REV1: variants seen among roughly 807,000 people sequenced by gnomAD.
REV1 encodes the protein translesion synthesis protein REV1.
A neutral mutation model predicts 137.4 loss-of-function variants in REV1; 42 were observed. The observed-to-expected ratio is 0.31, with a 90% CI of 0.24 to 0.40. The LOEUF (loss-of-function observed/expected upper bound fraction) is 0.40, where lower values mean the gene tolerates loss of function less well. REV1 is among the 10% of genes least tolerant of loss of function. The pLI is 1.00. For missense variants in REV1, 1,282 were observed against 1,490.1 expected (o/e 0.86, Z 2.30); for synonymous variants, 524 against 519.2 (o/e 1.01, Z -0.12).
chr2:99,463,764 T>C (rs1463269911), intron 2 of REV1, among the ~76,000 whole-genome samples: 2 of 152,106 alleles, frequency 1.3e-5, no homozygotes, highest in South Asian at 2.1e-4. Context: ...GCTGGGATTA[T>C]AGGTGCTCAC....
In REV1 at chr2:99,459,140, A is replaced by G. The variant is rs564619811; in HGVS notation, c.181+3356T>C. Among the ~76,000 whole-genome samples, 624 of 151,876 alleles carry G rather than the reference A, an allele frequency of 4.1e-3. 2 individuals are homozygous for G. Among genetic ancestry groups the G allele is most frequent in the African/African-American group, 5.6e-3 (230 of 41,410 alleles). ...GGAGAATGGTGTGAACCCGGGAGGC[A>G]GAGCTTGCAGTGAGCCGAGATCGCG... is the stretch of plus-strand genomic sequence containing the variant. On this transcript the variant is annotated intron_variant, in intron 3 of 22. Coordinates refer to ENST00000258428, the MANE Select transcript of REV1 (RefSeq NM_016316.4).
Position 99,449,442 on chromosome 2 carries a change from A to G in REV1, c.244T>C (p.Tyr82His). ...MLHGGQYHVYYSRSKTTHIIA... is the reference protein window; with the variant it reads ...MLHGGQYHVYHSRSKTTHIIA... ...ATATGTGTTGTTTTAGATCTGGAAT[A>G]ATATACATGGTATTGACCTCCATGC... The change falls in exon 4 of 23, where the codon TAT becomes CAT. Residue 82 changes from tyrosine to histidine, a missense_variant. This residue lies in a region of REV1 where 107 missense variants were observed against 164.3 expected (regional missense o/e 0.65). Transcript: ENST00000258428. 1 of 1,570,002 alleles carries G rather than the reference A, an allele frequency of 6.4e-7. No individual in the cohort carries two copies. The highest frequency in any genetic ancestry group is 8.6e-7 in the Non-Finnish European group (1 of 1,160,774).
chr2:99,407,805 C>T (rs1451874190), intron 15 of REV1, among the ~76,000 whole-genome samples: 1 of 152,042 alleles, frequency 6.6e-6, no homozygotes, highest in Non-Finnish European at 1.5e-5. Flanking sequence ...ATCAGGGGTA[C>T]CTTGGAAAAG....
chr2:99,471,393 A>G (rs2105225260), intron 1 of REV1, among the ~76,000 whole-genome samples: 1 of 151,846 alleles, frequency 6.6e-6, no homozygotes, highest in South Asian at 2.1e-4. Flanking sequence ...CACATGCAAA[A>G]GAAGTTGGAC....
intron 13 of REV1, among the ~76,000 whole-genome samples, chr2:99,412,282 A>C (rs113660960): frequency 0.066 from 9,324 of 140,278 alleles, 557 homozygotes; most frequent in Non-Finnish European, 0.11. Flanking sequence ...AAAAAAAAAA[A>C]CATATCCAAA....
intron 10 of REV1, 31 bp downstream of exon 10, chr2:99,424,120 CA>C: frequency 6.2e-7 from 1 of 1,601,770 alleles, no homozygotes; most frequent in Non-Finnish European, 8.5e-7. Context: ...AAGGAAAACA[CA>C]GACACAAAAT....
intron 9 of REV1, among the ~76,000 whole-genome samples, chr2:99,428,433 T>C (rs951640621): frequency 2.0e-5 from 3 of 152,160 alleles, no homozygotes; most frequent in Non-Finnish European, 2.9e-5. Context: ...GGCCACAGCA[T>C]CAAGTGACAA....
Position 99,421,590 on chromosome 2 carries a change from A to G in REV1, c.1740T>C (p.Leu580=). ...CATCAGGAGTAAGTTTGGTCTCTGC[A>G]AGGATTTCGGTAATGTCTACCAGCG... ...DEALVDITEI[L]AETKLTPDEF... The change falls in exon 11 of 23, where the codon CTT becomes CTC. Residue 580 remains leucine, a synonymous_variant. Coordinates refer to ENST00000258428, the MANE Select transcript of REV1 (RefSeq NM_016316.4). 6.2e-7 allele frequency: 1 copy of G among 1,614,168 alleles called. No individual in the cohort carries two copies. Among genetic ancestry groups the G allele is most frequent in the Non-Finnish European group, 8.5e-7 (1 of 1,180,004 alleles).
rs766615166 is a variant in REV1, at chr2:99,401,030, T to C, written c.*211A>G. 209 of 352,466 alleles carry C rather than the reference T, an allele frequency of 5.9e-4. 1 individual carries two copies. The highest frequency in any genetic ancestry group is 8.9e-4 in the Non-Finnish European group (172 of 193,104). 21.8% of individuals were successfully genotyped at this position (352,466 alleles called of 1,614,324 possible). A position where few individuals can be genotyped will look rare whatever the true frequency, so the allele number is the denominator to read the frequency against. On this transcript the variant is annotated 3_prime_UTR_variant, in exon 23 of 23. Coordinates refer to ENST00000258428, the MANE Select transcript of REV1 (RefSeq NM_016316.4). Reference sequence around the variant, plus strand: ...ACTTTATAAACAAACATTTTGTAAATAGAATCTATGCTACAGTAAAATAAT... The same window carrying C: ...ACTTTATAAACAAACATTTTGTAAACAGAATCTATGCTACAGTAAAATAAT...
chr2:99,416,430 T>C (rs1412950435), intron 12 of REV1, among the ~76,000 whole-genome samples: 1 of 152,216 alleles, frequency 6.6e-6, no homozygotes, highest in Non-Finnish European at 1.5e-5. Context: ...GGAGATATTT[T>C]ATAGACCTGA....
intron 15 of REV1, 72 bp downstream of exon 15, chr2:99,407,957 T>A: frequency 1.1e-6 from 1 of 926,746 alleles, no homozygotes; most frequent in Non-Finnish European, 1.6e-6. Flanking sequence ...CAATAACCCT[T>A]TTGAGAGCAA....
At chr2:99,439,659 C>CA (rs1559352033) in intron 5 of REV1, among the ~76,000 whole-genome samples, 1 of 151,964 alleles carries the variant, frequency 6.6e-6, no homozygotes, top group Non-Finnish European at 1.5e-5. Flanking sequence ...AAGAAAAACC[C>CA]AAAAAACTTT....
At chr2:99,433,373 G>A (rs1222349124) in intron 8 of REV1, among the ~76,000 whole-genome samples, 1 of 152,100 alleles carries the variant, frequency 6.6e-6, no homozygotes, top group Non-Finnish European at 1.5e-5. Flanking sequence ...GGAAATAAAT[G>A]TACACACAAA....
chr2:99,471,180 AC>A (rs1685371682), intron 1 of REV1, among the ~76,000 whole-genome samples: 1 of 151,912 alleles, frequency 6.6e-6, no homozygotes, highest in Non-Finnish European at 1.5e-5. Context: ...TCTACTCAAC[AC>A]CTCTCTGTTT....
rs745761519 is a variant in REV1, at chr2:99,460,162, C to T, written c.181+2334G>A. Among the ~76,000 whole-genome samples, 5 of 152,228 alleles carry T rather than the reference C, an allele frequency of 3.3e-5. No individual in the cohort carries two copies. The South Asian group carries it at 6.2e-4, about 19-fold the overall frequency. On this transcript the variant is annotated intron_variant, in intron 3 of 22. Coordinates refer to ENST00000258428, the MANE Select transcript of REV1 (RefSeq NM_016316.4). The stretch of plus-strand genomic sequence containing the variant: ...CGCAATCTCGGCTCACTTCAACCTC[C>T]GCCTCCCGGGTTCAAGTGATTCTCC...
At chr2:99,401,452 A>G (rs1675392554) in intron 22 of REV1, 100 bp from the exon 23 acceptor site, 1 of 811,440 alleles carries the variant, frequency 1.2e-6, no homozygotes, top group Non-Finnish European at 1.9e-6. Flanking sequence ...GCAAAAAAAA[A>G]AAAAAGTCCT....
Position 99,489,831 on chromosome 2 carries a change from C to T in REV1, c.-25G>A, listed in dbSNP as rs1687520227. The T allele has an allele frequency of 6.7e-6, 1 of 149,754 alleles. No individual in the cohort carries two copies. The highest frequency in any genetic ancestry group is 2.4e-5 in the African/African-American group (1 of 41,166). 9.3% of individuals were successfully genotyped at this position (149,754 alleles called of 1,614,324 possible). ...GGGTCGCTCACCTTCCGCGTTGCCC[C>T]AGACCACCATGCCCGGGCCCGGCGG... On this transcript the variant is annotated 5_prime_UTR_variant, in exon 1 of 23. The change creates a premature stop within an existing upstream ORF in the 5' untranslated region. Transcript: ENST00000258428.
chr2:99,403,262 C>T (rs1376501415), intron 19 of REV1, 156 bp from the exon 20 acceptor site: 1 of 639,290 alleles, frequency 1.6e-6, no homozygotes, highest in Non-Finnish European at 2.7e-6. Flanking sequence ...GGCAATGGCC[C>T]AAAGTACAGG....
chr2:99,465,179 C>T (rs1379619782), intron 1 of REV1, among the ~76,000 whole-genome samples, 194 bp from the exon 2 acceptor site: 3 of 146,176 alleles, frequency 2.1e-5, no homozygotes, highest in African/African-American at 5.3e-5. Flanking sequence ...ATAAAACACC[C>T]TCCTACACAT....
Sources: gnomAD v4.1 joint callset for allele counts (sites outside exome capture counted in the v4.1 genomes callset) on GRCh38, gnomAD v4.1.1 for gene constraint, gnomAD v4.1.1 regional missense constraint, MANE v1.5 for transcripts, NCBI Gene and HGNC (gene_info 2026-07-23, HGNC 2026-07-21) for gene names.